FYCO1: variants seen among roughly 807,000 people sequenced by gnomAD.
The protein encoded by FYCO1 is FYVE and coiled-coil domain-containing protein 1.
Under a neutral mutation model 165.1 loss-of-function variants are expected in FYCO1, and 122 were observed. The observed-to-expected ratio is 0.74, with a 90% CI of 0.64 to 0.86. The LOEUF (loss-of-function observed/expected upper bound fraction) is 0.86, where lower values mean the gene tolerates loss of function less well. FYCO1 is among the 40% of genes least tolerant of loss of function. The pLI, the probability that FYCO1 is intolerant of heterozygous loss-of-function variation, is 0.00. For synonymous variants in FYCO1, 648 were observed against 742.5 expected (o/e 0.87, Z 2.07); for missense variants, 1,702 against 1,810.3 (o/e 0.94, Z 1.09).
rs1706240236 is a variant in FYCO1, at chr3:45,968,541, C to T, written c.793G>A (p.Ala265Thr). The change falls in exon 8 of 18, where the codon GCA becomes ACA. Residue 265 changes from alanine to threonine, a missense_variant. Transcript: ENST00000296137. ...TGCTCCCCTTGCTGGCTGACAGCTGCCCTCAGCTCCTGGTTCTCTCTGTCC... is the reference window on the plus strand; with the variant it reads ...TGCTCCCCTTGCTGGCTGACAGCTGTCCTCAGCTCCTGGTTCTCTCTGTCC... The part of the protein sequence containing the change: ...QLDRENQELR[A>T]AVSQQGEQLQ... The T allele has an allele frequency of 6.2e-7, 1 of 1,614,016 alleles. No homozygotes were observed. The highest frequency in any genetic ancestry group is 8.5e-7 in the Non-Finnish European group (1 of 1,180,038).
At chr3:45,980,312 G>A (rs1706981475) in intron 3 of FYCO1, among the ~76,000 whole-genome samples, 1 of 151,050 alleles carries the variant, frequency 6.6e-6, no homozygotes. Flanking sequence ...TTGCACCACT[G>A]CACTCCAGCC....
intron 7 of FYCO1, 148 bp from the exon 8 acceptor site, chr3:45,968,851 A>G: frequency 1.0e-6 from 1 of 969,310 alleles, no homozygotes; most frequent in Non-Finnish European, 1.6e-6. Context: ...AAAGACTAGA[A>G]TCCCTTTGCT....
At chr3:45,958,939 C>T (rs558920108) in intron 12 of FYCO1, among the ~76,000 whole-genome samples, 41 of 152,352 alleles carry the variant, frequency 2.7e-4, no homozygotes, top group African/African-American at 9.6e-4. Flanking sequence ...CAGACCTTCA[C>T]AGCTCTGCTG....
intron 2 of FYCO1, among the ~76,000 whole-genome samples, chr3:45,982,910 A>G (rs986630158): frequency 3.3e-5 from 5 of 152,172 alleles, no homozygotes; most frequent in Non-Finnish European, 5.9e-5. Flanking sequence ...GGGGCCTGGG[A>G]GAGACAAAGA....
At position 45,966,687 on chromosome 3, in the gene FYCO1, T is replaced by A. The variant is rs1438621492; in HGVS notation, c.2647A>T (p.Ser883Cys). 4 of 1,613,820 alleles carry A rather than the reference T, an allele frequency of 2.5e-6. No homozygotes were observed. In the Admixed American group the frequency reaches 6.7e-5, roughly 27 times the overall value. ...LQEELSQAKC[S>C]SEEAQLEHAE... ...TGCTCCAGCTGTGCTTCCTCGGAGC[T>A]GCATTTGGCCTGGGACAGCTCCTCC... Residue 883 changes from serine (S) to cysteine (C), a missense_variant, in exon 8 of 18, where the codon AGC (serine) becomes TGC (cysteine). Ser to Cys is a moderately radical substitution (Grantham distance 112). Coordinates refer to ENST00000296137, the MANE Select transcript of FYCO1 (RefSeq NM_024513.4).
At position 45,928,582 on chromosome 3, in the gene FYCO1, C is replaced by T. The variant is rs190135238; in HGVS notation, c.4251+2489G>A. Among the ~76,000 whole-genome samples, 35 of 152,284 alleles carry T rather than the reference C, an allele frequency of 2.3e-4. No homozygotes were observed. In the East Asian group the frequency reaches 5.4e-3, roughly 23 times the overall value. ...AGTGTCTGACAGGTGCCCCTAGAAA[C>T]GGGGCTGGCCTTCTGCTGTGCTATT... On this transcript the variant is annotated intron_variant, in intron 16 of 17. Transcript: ENST00000296137.
At chr3:45,925,721 C>A (rs1173548038) in intron 16 of FYCO1, among the ~76,000 whole-genome samples, 1 of 152,080 alleles carries the variant, frequency 6.6e-6, no homozygotes, top group East Asian at 1.9e-4. Context: ...TTCAGTTACA[C>A]TGGGGTGAGA....
chr3:45,956,916 C>CA (rs1705362961), intron 13 of FYCO1, among the ~76,000 whole-genome samples: 1 of 152,058 alleles, frequency 6.6e-6, no homozygotes, highest in African/African-American at 2.4e-5. Flanking sequence ...TATAGAAAAA[C>CA]AAAAAACCTA....
In FYCO1 at chr3:45,991,058, A is replaced by G. The variant is rs563211505; in HGVS notation, c.-113+4664T>C. On this transcript the variant is annotated intron_variant, in intron 1 of 17. Coordinates refer to ENST00000296137, the MANE Select transcript of FYCO1 (RefSeq NM_024513.4). ...CTCCCAAAGTGCTGGGATTACAGGC[A>G]TGAGCCACTGCGCCCGGCCATCATG... 2.2e-3 allele frequency among the ~76,000 whole-genome samples: 333 copies of G among 152,306 alleles called. 2 individuals carry two copies. The highest frequency in any genetic ancestry group is 3.7e-3 in the Non-Finnish European group (254 of 68,018).
Position 45,993,628 on chromosome 3 carries a change from T to C in FYCO1, c.-113+2094A>G, listed in dbSNP as rs143402230. The stretch of plus-strand genomic sequence containing the variant: ...ACATAGCAGTCATGACGTGAGCAGA[T>C]GTTGCCCTGACCATAATGGACTCAT... On this transcript the variant is annotated intron_variant, in intron 1 of 17. Coordinates refer to ENST00000296137, the MANE Select transcript of FYCO1 (RefSeq NM_024513.4). The surrounding 1 kb of genome is among the most constrained non-coding windows in gnomAD (Gnocchi z 4.4). Among the ~76,000 whole-genome samples, 125 of 152,362 alleles carry C rather than the reference T, an allele frequency of 8.2e-4. 1 individual carries two copies. Among genetic ancestry groups the C allele is most frequent in the Non-Finnish European group, 7.1e-4 (48 of 68,022 alleles).
intron 14 of FYCO1, among the ~76,000 whole-genome samples, chr3:45,953,286 C>T (rs370831010): frequency 8.5e-5 from 13 of 152,162 alleles, no homozygotes; most frequent in African/African-American, 2.9e-4. Flanking sequence ...GAGGCAGGAG[C>T]ATCATAAAAA....
intron 14 of FYCO1, among the ~76,000 whole-genome samples, chr3:45,942,624 C>T (rs1704299388): frequency 1.3e-5 from 2 of 152,222 alleles, no homozygotes; most frequent in East Asian, 3.8e-4. Context: ...GGCACTGGGG[C>T]ATGTGACCCA....
At chr3:45,940,983 A>G (rs1367258340) in intron 14 of FYCO1, 1 of 152,088 alleles carries the variant, frequency 6.6e-6, no homozygotes, top group Non-Finnish European at 1.5e-5. Context: ...TTATAGAACA[A>G]TTGTTCCTCC....
At chr3:45,937,012 A>G (rs1039394766) in intron 14 of FYCO1, among the ~76,000 whole-genome samples, 3 of 152,190 alleles carry the variant, frequency 2.0e-5, no homozygotes, top group Non-Finnish European at 4.4e-5. Flanking sequence ...ACGGATCCTT[A>G]GAACATTTTG....
chr3:45,967,157 C>T lies in FYCO1; in HGVS notation c.2177G>A (p.Arg726Gln), dbSNP rs897335426. ...VEQCQQLAEARHRELRALESQ... is the reference protein window; with the variant it reads ...VEQCQQLAEAQHRELRALESQ... ...CTCGAGAGCCCTAAGCTCTCTGTGC[C>T]GGGCTTCTGCCAGTTGCTGGCACTG... The change falls in exon 8 of 18, where the codon CGG becomes CAG. Residue 726 changes from arginine (R) to glutamine (Q), a missense_variant. Transcript: ENST00000296137. The T allele has an allele frequency of 1.2e-5, 20 of 1,613,202 alleles. No homozygotes were observed. The highest frequency in any genetic ancestry group is 6.7e-5 in the East Asian group (3 of 44,858).
intron 5 of FYCO1, among the ~76,000 whole-genome samples, chr3:45,973,613 C>T (rs1315783128): frequency 6.6e-6 from 1 of 152,180 alleles, no homozygotes; most frequent in Non-Finnish European, 1.5e-5. Flanking sequence ...AAACTCACTG[C>T]TAATTTCTGT....
intron 1 of FYCO1, among the ~76,000 whole-genome samples, chr3:45,992,374 G>T (rs1015501929): frequency 6.6e-6 from 1 of 152,152 alleles, no homozygotes; most frequent in African/African-American, 2.4e-5. Context: ...GACCCAGGAT[G>T]GCTCTGAAGC....
chr3:45,959,554 C>G lies in FYCO1; in HGVS notation c.3438-12G>C, dbSNP rs774810023. On this transcript the variant is annotated splice_polypyrimidine_tract_variant and intron_variant, in intron 11 of 17. Coordinates refer to ENST00000296137, the MANE Select transcript of FYCO1 (RefSeq NM_024513.4). ...GAGCATCCTTGTCCCTGGGACAAAA[C>G]CACATTGGAAGAAAAGGAGAGAGAA... is the stretch of plus-strand genomic sequence containing the variant. The G allele has an allele frequency of 6.2e-7, 1 of 1,613,264 alleles. No individual in the cohort carries two copies. The highest frequency in any genetic ancestry group is 1.3e-5 in the African/African-American group (1 of 74,928).
intron 7 of FYCO1, among the ~76,000 whole-genome samples, chr3:45,969,445 G>A (rs1350192543): frequency 1.3e-5 from 2 of 152,184 alleles, no homozygotes; most frequent in African/African-American, 2.4e-5. Context: ...GTGCTAAACT[G>A]CTTCTTTTAA....
Sources: gnomAD v4.1 joint callset for allele counts (sites outside exome capture counted in the v4.1 genomes callset) on GRCh38, gnomAD v4.1.1 for gene constraint, Gnocchi (gnomAD v3.1) non-coding constraint, MANE v1.5 for transcripts, NCBI Gene and HGNC (gene_info 2026-07-23, HGNC 2026-07-21) for gene names.